Variants in FBXO30 observed in about 807,000 individuals in gnomAD.
FBXO30 encodes the protein F-box only protein 30.
FBXO30 carries 21 observed loss-of-function variants against 58.1 expected under a neutral mutation model. The observed-to-expected ratio is 0.36, with a 90% confidence interval of 0.26 to 0.52. The LOEUF is 0.52. Among genes scored for constraint, FBXO30 ranks in the 20% least tolerant of loss-of-function variants. The pLI, the probability that FBXO30 is intolerant of heterozygous loss-of-function variation, is 0.93. For synonymous variants in FBXO30, 309 were observed against 312.4 expected, an observed-to-expected ratio of 0.99 and a Z score of 0.11; for missense variants, 744 against 897.3, an observed-to-expected ratio of 0.83 and a Z score of 2.18.
intron 1 of FBXO30, among the ~76,000 whole-genome samples, chr6:145,808,314 T>C (rs2128667332): frequency 6.6e-6 from 1 of 152,152 alleles, no homozygotes; most frequent in East Asian, 1.9e-4. Context: ...CTATTAAAAC[T>C]GCTCTGCTGA....
intron 2 of FBXO30, among the ~76,000 whole-genome samples, chr6:145,803,600 T>C (rs1478336718): frequency 2.0e-5 from 3 of 152,190 alleles, no homozygotes; most frequent in African/African-American, 7.2e-5. Context: ...CTGTAATGCC[T>C]TCCAGTTCCT....
At position 145,805,859 on chromosome 6, in the gene FBXO30, A is replaced by G. The variant is rs775047081; in HGVS notation, c.547T>C (p.Tyr183His). Residue 183 changes from tyrosine to histidine, a missense_variant, in exon 2 of 3, where the codon TAT becomes CAT. Physicochemically the swap from Tyr to His is moderately conservative, Grantham distance 83 (BLOSUM62 2). Coordinates refer to ENST00000237281, the MANE Select transcript of FBXO30 (RefSeq NM_032145.5). Reference sequence around the variant, plus strand: ...CTGGTTGTTTCTACAGTAGCTTGATAAAGTGCACCATAAGATTCTTCATCA... The same window carrying G: ...CTGGTTGTTTCTACAGTAGCTTGATGAAGTGCACCATAAGATTCTTCATCA... ...SVDEESYGAL[Y>H]QATVETTRSL... 1.8e-5 allele frequency: 29 copies of G among 1,613,970 alleles called. No homozygotes were observed. The highest frequency in any genetic ancestry group is 2.3e-5 in the Non-Finnish European group (27 of 1,180,016).
rs1777931682 is a variant in FBXO30 at position 145,799,441 on chromosome 6, T to G, written c.*665A>C. 3.9e-5 allele frequency: 6 copies of G among 152,306 alleles called. No individual in the cohort carries two copies. Among genetic ancestry groups the G allele is most frequent in the Admixed American group, 3.9e-4 (6 of 15,232 alleles). 9.4% of individuals were successfully genotyped at this position (152,306 alleles called of 1,614,324 possible). Reference sequence around the variant, plus strand: ...TCATATAACACACTGCGATGAGTCTTCGGATGTGGCATCTAACAAAAAAGA... The same window carrying G: ...TCATATAACACACTGCGATGAGTCTGCGGATGTGGCATCTAACAAAAAAGA... On this transcript the variant is annotated 3_prime_UTR_variant, in exon 3 of 3. Coordinates refer to ENST00000237281, the MANE Select transcript of FBXO30 (RefSeq NM_032145.5).
At chr6:145,813,774 A>G (rs966762155) in intron 1 of FBXO30, among the ~76,000 whole-genome samples, 9 of 152,348 alleles carry the variant, frequency 5.9e-5, no homozygotes, top group South Asian at 4.1e-4. Flanking sequence ...TAATCATGGA[A>G]TAAAAGGTCA....
At chr6:145,808,381 T>C (rs1778242120) in intron 1 of FBXO30, among the ~76,000 whole-genome samples, 2 of 152,256 alleles carry the variant, frequency 1.3e-5, no homozygotes, top group South Asian at 4.1e-4. Flanking sequence ...TCCTTGGCCA[T>C]TGTATCCTGA....
rs760291062 is a variant in FBXO30 at position 145,805,150 on chromosome 6, C to T, written c.1256G>A (p.Gly419Asp). The change falls in exon 2 of 3, where the codon GGC becomes GAC. Residue 419 changes from glycine (G) to aspartate (D), a missense_variant. By Grantham distance (94) the Gly-to-Asp change is moderately conservative (BLOSUM62 -1). Coordinates refer to ENST00000237281, the MANE Select transcript of FBXO30 (RefSeq NM_032145.5). ...SDLEVAEDPM[G>D]LQGIDLITAA... Reference sequence around the variant, plus strand: ...TGTGATCAGATCTATTCCTTGGAGGCCCATAGGATCTTCTGCAACTTCCAA... The same window carrying T: ...TGTGATCAGATCTATTCCTTGGAGGTCCATAGGATCTTCTGCAACTTCCAA... 7 of 1,613,978 alleles carry T rather than the reference C, an allele frequency of 4.3e-6. No homozygotes were observed. The highest frequency in any genetic ancestry group is 1.7e-5 in the Admixed American group (1 of 59,990).
rs766830976 is a variant in FBXO30, at chr6:145,805,156, G to A, written c.1250C>T (p.Pro417Leu). Residue 417 changes from proline (P) to leucine (L), a missense_variant, in exon 2 of 3, where the codon CCT becomes CTT. Physicochemically the swap from Pro to Leu is moderately conservative, Grantham distance 98. Transcript: ENST00000237281. ...CAGATCTATTCCTTGGAGGCCCATA[G>A]GATCTTCTGCAACTTCCAAATCTGA... ...DTSDLEVAED[P>L]MGLQGIDLIT... is the part of the protein sequence containing the mutation. The A allele has an allele frequency of 6.2e-7, 1 of 1,614,054 alleles. No individual in the cohort carries two copies. The highest frequency in any genetic ancestry group is 8.5e-7 in the Non-Finnish European group (1 of 1,179,962).
Position 145,802,020 on chromosome 6 carries a change from C to A in FBXO30, c.2035-1711G>T, listed in dbSNP as rs373059789. Among the ~76,000 whole-genome samples the A allele has an allele frequency of 3.3e-5, 5 of 152,112 alleles. No homozygotes were observed. In the East Asian group the frequency reaches 7.7e-4, roughly 23 times the overall value. On this transcript the variant is annotated intron_variant, in intron 2 of 2. Transcript: ENST00000237281. ...CACTCAAGTATGCATCAAATATTTA[C>A]TCAGTGCCTACTACATAGTAGGTAC... is the stretch of plus-strand genomic sequence containing the variant.
At chr6:145,806,850 T>C (rs1778187647) in intron 1 of FBXO30, among the ~76,000 whole-genome samples, 1 of 152,228 alleles carries the variant, frequency 6.6e-6, no homozygotes, top group Non-Finnish European at 1.5e-5. Context: ...GATCTTGTAT[T>C]ACTAAAAGAA....
At chr6:145,808,452 A>G (rs912051536) in intron 1 of FBXO30, among the ~76,000 whole-genome samples, 6 of 152,230 alleles carry the variant, frequency 3.9e-5, no homozygotes, top group African/African-American at 1.4e-4. Context: ...ATGTCACTCC[A>G]GTCTTTCTCC....
chr6:145,805,742 G>T lies in FBXO30; in HGVS notation c.664C>A (p.Gln222Lys). 6.2e-7 allele frequency: 1 copy of T among 1,613,976 alleles called. No individual in the cohort carries two copies. The highest frequency in any genetic ancestry group is 8.5e-7 in the Non-Finnish European group (1 of 1,179,966). Residue 222 changes from glutamine (Q) to lysine (K), a missense_variant, in exon 2 of 3, where the codon CAA (glutamine) becomes AAA (lysine). Physicochemically the swap from Gln to Lys is moderately conservative, Grantham distance 53. Around this residue, in one of 3 missense-constraint regions of FBXO30, gnomAD observed 275 missense variants for 262.0 expected, o/e 1.05. Coordinates refer to ENST00000237281, the MANE Select transcript of FBXO30 (RefSeq NM_032145.5). Reference protein sequence around the residue: ...TSVPNDMDEQQNARESLEDQN... With the variant: ...TSVPNDMDEQKNARESLEDQN... ...TCCTCTAAGCTTTCTCTCGCATTTT[G>T]CTGTTCATCCATGTCATTTGGGACA... is the stretch of plus-strand genomic sequence containing the variant.
chr6:145,797,327 C>T lies in FBXO30; in HGVS notation c.*2779G>A, dbSNP rs1327626639. The T allele has an allele frequency of 6.6e-6, 1 of 151,918 alleles. No homozygotes were observed. The highest frequency in any genetic ancestry group is 1.5e-5 in the Non-Finnish European group (1 of 67,914). The allele number at this position is 151,918 out of a possible 1,614,324, so 9.4% of individuals were successfully genotyped here. On this transcript the variant is annotated 3_prime_UTR_variant, in exon 3 of 3. Coordinates refer to ENST00000237281, the MANE Select transcript of FBXO30 (RefSeq NM_032145.5). ...ATTGAGACAACATATATAGTTTAAC[C>T]ATTAATAAATTACCATTACTGACTT...
chr6:145,806,437 G>A lies in FBXO30; in HGVS notation c.-16-16C>T. 1 of 1,579,422 alleles carries A rather than the reference G, an allele frequency of 6.3e-7. No homozygotes were observed. ...CAGTCCAGCTCTGGTTGATGAAATG[G>A]AAAAAGATAAGAAATTAGCCAAAAA... On this transcript the variant is annotated splice_polypyrimidine_tract_variant and intron_variant, in intron 1 of 2. Transcript: ENST00000237281.
intron 1 of FBXO30, among the ~76,000 whole-genome samples, chr6:145,808,006 C>A (rs1338243084): frequency 6.6e-6 from 1 of 151,880 alleles, no homozygotes; most frequent in Non-Finnish European, 1.5e-5. Context: ...GTGACATGCA[C>A]CTGTAGTCCC....
chr6:145,806,333 C>T lies in FBXO30; in HGVS notation c.73G>A (p.Gly25Arg). Residue 25 changes from glycine (G) to arginine (R), a missense_variant, in exon 2 of 3, where the codon GGG becomes AGG. Transcript: ENST00000237281. ...SRRCMTRPEP[G>R]ISCDLIGCPL... ...CAACCAATCAAATCACAGGAAATCC[C>T]TGGCTCTGGCCTGGTCATGCACCGT... 6.2e-7 allele frequency: 1 copy of T among 1,613,974 alleles called. No homozygotes were observed. Among genetic ancestry groups the T allele is most frequent in the Non-Finnish European group, 8.5e-7 (1 of 1,179,948 alleles).
At chr6:145,814,316 G>A (rs1183467599) in intron 1 of FBXO30, among the ~76,000 whole-genome samples, 2 of 152,152 alleles carry the variant, frequency 1.3e-5, no homozygotes, top group South Asian at 2.1e-4. Flanking sequence ...CGGTGCCCTC[G>A]AGGCTTAAGT....
At chr6:145,810,943 T>C (rs1471774434) in intron 1 of FBXO30, among the ~76,000 whole-genome samples, 8 of 152,156 alleles carry the variant, frequency 5.3e-5, no homozygotes, top group Non-Finnish European at 1.2e-4. Flanking sequence ...AGTCTTGGCT[T>C]ACCTGTTACT....
chr6:145,808,564 G>C (rs1778247524), intron 1 of FBXO30, among the ~76,000 whole-genome samples: 1 of 151,976 alleles, frequency 6.6e-6, no homozygotes, highest in Non-Finnish European at 1.5e-5. Flanking sequence ...TTCTCCCTGG[G>C]TGCTCTCATT....
chr6:145,808,896 A>G (rs1432299111), intron 1 of FBXO30, among the ~76,000 whole-genome samples: 3 of 152,352 alleles, frequency 2.0e-5, no homozygotes, highest in African/African-American at 7.2e-5. Flanking sequence ...AATTGCTATT[A>G]TCTTTTTCTC....
Sources: gnomAD v4.1 joint callset for allele counts (sites outside exome capture counted in the v4.1 genomes callset) on GRCh38, gnomAD v4.1.1 for gene constraint, gnomAD v4.1.1 regional missense constraint, MANE v1.5 for transcripts, NCBI Gene and HGNC (gene_info 2026-07-23, HGNC 2026-07-21) for gene names.